The following CACHD1 variants were observed in gnomAD, a reference collection of about 807,000 sequenced individuals.
CACHD1 encodes cache domain containing 1, also known as VWFA and cache domain-containing protein 1.
CACHD1 carries 71 observed loss-of-function variants against 138.7 expected under a neutral mutation model. The observed-to-expected ratio is 0.51, with a 90% confidence interval of 0.42 to 0.62. The LOEUF is 0.62. Ranked by LOEUF, CACHD1 falls within the 20% of genes least tolerant of loss-of-function variation. CACHD1 has a pLI of 0.00. For missense variants in CACHD1, 1,389 were observed against 1,625.3 expected, an observed-to-expected ratio of 0.85 and a Z score of 2.50; for synonymous variants, 578 against 591.5, an observed-to-expected ratio of 0.98 and a Z score of 0.33.
At chr1:64,575,254 T>A (rs896705271) in intron 2 of CACHD1, among the ~76,000 whole-genome samples, 1 of 152,200 alleles carries the variant, frequency 6.6e-6, no homozygotes, top group Non-Finnish European at 1.5e-5. Context: ...TTTGCCCAAA[T>A]TCCCAGCTAA....
chr1:64,647,681 CA>C, intron 8 of CACHD1, 119 bp from the exon 9 acceptor site: 1 of 768,658 alleles, frequency 1.3e-6, no homozygotes, highest in Non-Finnish European at 2.1e-6. Context: ...GTGGTCTCTG[CA>C]AAAACCCCTT....
At chr1:64,601,237 C>A (rs1415109197) in intron 3 of CACHD1, among the ~76,000 whole-genome samples, 1 of 152,186 alleles carries the variant, frequency 6.6e-6, no homozygotes, top group Admixed American at 6.5e-5. Context: ...TATTATCTAT[C>A]CTTTTATAAA....
chr1:64,525,456 T>C (rs150176416), intron 1 of CACHD1, among the ~76,000 whole-genome samples: 10 of 152,338 alleles, frequency 6.6e-5, no homozygotes, highest in Non-Finnish European at 1.0e-4. Context: ...AAAAATCTTA[T>C]CCAGTTTTGA....
intron 1 of CACHD1, among the ~76,000 whole-genome samples, chr1:64,471,399 C>G (rs1393932384): frequency 1.3e-5 from 2 of 152,254 alleles, no homozygotes; most frequent in East Asian, 1.9e-4. Flanking sequence ...ACCCCACCCC[C>G]TTGACCGCGT....
At position 64,652,219 on chromosome 1, in the gene CACHD1, AG is replaced by A; in HGVS notation, c.1451del (p.Gly484ValfsTer4). ...YFGNLLLGIV[G>X]VDVNLAYILE... ...TTGGAAACCTACTTCTGGGAATTGT[AG>A]GTGTGGACGTGAATCTGGCTTACAT... On this transcript the variant is annotated frameshift_variant, in exon 10 of 27. Transcript: ENST00000651257. LOFTEE classifies it high-confidence loss of function. The A allele has an allele frequency of 6.2e-7, 1 of 1,613,654 alleles. No individual in the cohort carries two copies.
Position 64,632,640 on chromosome 1 carries a change from T to A in CACHD1, c.686T>A (p.Ile229Lys). ...ACAGTCCGGCCGCAGTCAAAGCACA[T>A]AGTAGTGATTCTGGACCACGGGGCT... ...VSTVRPQSKH[I>K]VVILDHGASV... The change falls in exon 6 of 27, where the codon ATA (isoleucine) becomes AAA (lysine). Residue 229 changes from isoleucine (I) to lysine (K), a missense_variant. Ile to Lys is a moderately radical substitution (Grantham distance 102). Around this residue, in one of 5 missense-constraint regions of CACHD1, gnomAD observed 1,000 missense variants for 1,114.7 expected, o/e 0.90. Coordinates refer to ENST00000651257, the MANE Select transcript of CACHD1 (RefSeq NM_020925.4). The A allele has an allele frequency of 6.2e-7, 1 of 1,614,050 alleles. No homozygotes were observed. The highest frequency in any genetic ancestry group is 8.5e-7 in the Non-Finnish European group (1 of 1,179,992).
intron 3 of CACHD1, among the ~76,000 whole-genome samples, chr1:64,599,604 G>C (rs1268941290): frequency 6.6e-6 from 1 of 152,152 alleles, no homozygotes; most frequent in Non-Finnish European, 1.5e-5. Context: ...ACCACATGGT[G>C]AAACTACTTT....
intron 4 of CACHD1, among the ~76,000 whole-genome samples, chr1:64,607,480 G>A (rs1647377437): frequency 6.6e-6 from 1 of 152,120 alleles, no homozygotes; most frequent in African/African-American, 2.4e-5. Context: ...AGGAGTCAGA[G>A]GAAATAAGGA....
chr1:64,487,211 C>T (rs1032241021), intron 1 of CACHD1, among the ~76,000 whole-genome samples: 7 of 152,122 alleles, frequency 4.6e-5, no homozygotes. Context: ...AGAAGGATCC[C>T]TCTGGCTGGT....
At chr1:64,595,870 G>T (rs1362963137) in intron 3 of CACHD1, among the ~76,000 whole-genome samples, 1 of 152,170 alleles carries the variant, frequency 6.6e-6, no homozygotes, top group Non-Finnish European at 1.5e-5. Context: ...ACACTTTATT[G>T]CTCTGAAAGC....
chr1:64,512,782 G>C (rs932301804), intron 1 of CACHD1, among the ~76,000 whole-genome samples: 1 of 152,162 alleles, frequency 6.6e-6, no homozygotes, highest in African/African-American at 2.4e-5. Context: ...AAATCTTTTG[G>C]CGGGGTAGAA....
chr1:64,637,858 G>A (rs1648577230), intron 7 of CACHD1, among the ~76,000 whole-genome samples: 1 of 152,132 alleles, frequency 6.6e-6, no homozygotes, highest in Admixed American at 6.5e-5. Flanking sequence ...CAGTCCCAGG[G>A]TACTCTCAGG....
chr1:64,604,711 G>A (rs1373461357), intron 4 of CACHD1, among the ~76,000 whole-genome samples: 4 of 151,926 alleles, frequency 2.6e-5, no homozygotes, highest in Non-Finnish European at 5.9e-5. Context: ...GGAGTGCAGT[G>A]GCGTGATCAT....
At chr1:64,482,258 TC>T (rs1198717841) in intron 1 of CACHD1, among the ~76,000 whole-genome samples, 2 of 152,186 alleles carry the variant, frequency 1.3e-5, no homozygotes, top group African/African-American at 4.8e-5. Context: ...ATTTTTTTTT[TC>T]CCCACTTGGA....
chr1:64,541,662 A>G (rs1268520195), intron 1 of CACHD1, among the ~76,000 whole-genome samples: 1 of 150,606 alleles, frequency 6.6e-6, no homozygotes, highest in Non-Finnish European at 1.5e-5. Flanking sequence ...AACAAAACAA[A>G]ACCAACAAAA....
intron 10 of CACHD1, 80 bp from the exon 11 acceptor site, chr1:64,653,678 T>C (rs112213371): frequency 1.0e-5 from 15 of 1,456,762 alleles, no homozygotes; most frequent in African/African-American, 5.6e-5. Flanking sequence ...CAGCCCAGAG[T>C]ACCCCATATT....
intron 26 of CACHD1, 87 bp from the exon 27 acceptor site, chr1:64,691,236 C>A: frequency 8.2e-7 from 1 of 1,212,726 alleles, no homozygotes; most frequent in Non-Finnish European, 1.2e-6. Flanking sequence ...GACAGGAATA[C>A]CTCCCAGTGC....
At chr1:64,487,180 C>G (rs1164429067) in intron 1 of CACHD1, among the ~76,000 whole-genome samples, 3 of 152,136 alleles carry the variant, frequency 2.0e-5, no homozygotes, top group Non-Finnish European at 4.4e-5. Context: ...GGCACAAGAG[C>G]AAGGGAGTTG....
chr1:64,484,234 G>T (rs567750023), intron 1 of CACHD1, among the ~76,000 whole-genome samples: 1 of 152,108 alleles, frequency 6.6e-6, no homozygotes, highest in East Asian at 1.9e-4. Flanking sequence ...AGGGGCTGGG[G>T]GCCTAGTAGA....
Sources: gnomAD v4.1 joint callset for allele counts (sites outside exome capture counted in the v4.1 genomes callset) on GRCh38, gnomAD v4.1.1 for gene constraint, gnomAD v4.1.1 regional missense constraint, MANE v1.5 for transcripts, NCBI Gene and HGNC (gene_info 2026-07-23, HGNC 2026-07-21) for gene names.